Variants in ARHGAP40 observed in about 807,000 individuals in gnomAD.
ARHGAP40 encodes Rho GTPase activating protein 40, also known as rho GTPase-activating protein 40.
A neutral mutation model predicts 73.5 loss-of-function variants in ARHGAP40; 43 were observed. The ratio of observed to expected loss-of-function variants is 0.58; its 90% confidence interval spans 0.46 to 0.75. The LOEUF (loss-of-function observed/expected upper bound fraction) is 0.75, where lower values mean the gene tolerates loss of function less well. Among genes scored for constraint, ARHGAP40 ranks in the 30% least tolerant of loss-of-function variants. The pLI, the probability that ARHGAP40 is intolerant of heterozygous loss-of-function variation, is 0.00. For missense variants in ARHGAP40, 734 were observed against 861.8 expected, an observed-to-expected ratio of 0.85 and a Z score of 1.86; for synonymous variants, 300 against 352.8, an observed-to-expected ratio of 0.85 and a Z score of 1.68.
intron 11 of ARHGAP40, among the ~76,000 whole-genome samples, chr20:38,644,116 C>G (rs1475043878): frequency 2.6e-5 from 4 of 152,184 alleles, no homozygotes; most frequent in African/African-American, 9.7e-5. Flanking sequence ...CACTGCCATG[C>G]CTCTCAGTCA....
chr20:38,631,115 C>A (rs1016364626), intron 5 of ARHGAP40, among the ~76,000 whole-genome samples: 15 of 152,042 alleles, frequency 9.9e-5, no homozygotes, highest in African/African-American at 3.6e-4. Context: ...AGTTTGAAAC[C>A]AGCCTGGGCA....
chr20:38,612,132 A>G (rs765665161), intron 1 of ARHGAP40, among the ~76,000 whole-genome samples: 8 of 152,240 alleles, frequency 5.3e-5, no homozygotes, highest in Non-Finnish European at 8.8e-5. Flanking sequence ...CATGTAATCA[A>G]TATGAAACAT....
rs779656279 is a variant in ARHGAP40, at chr20:38,646,049, C to T, written c.1572C>T (p.Val524=). 2 of 1,302,720 alleles carry T rather than the reference C, an allele frequency of 1.5e-6. No individual in the cohort carries two copies. Among genetic ancestry groups the T allele is most frequent in the East Asian group, 5.6e-5 (1 of 17,988 alleles). 80.7% of individuals were successfully genotyped at this position (1,302,720 alleles called of 1,614,324 possible). ...AAAACTTGATCCTTTCTGGCCAGGT[C>T]GCCTCTTTCCTGGTCGCCCAGGTGC... The change falls in exon 12 of 15, where the codon GTC becomes GTT. Residue 524 remains valine (V), a splice_region_variant and synonymous_variant. Transcript: ENST00000373345. This position sits in a 1 kb window ranked among gnomAD's most constrained non-coding sequence, Gnocchi z 4.5.
chr20:38,648,188 G>A (rs2089065875), intron 13 of ARHGAP40, among the ~76,000 whole-genome samples: 1 of 152,208 alleles, frequency 6.6e-6, no homozygotes, highest in Admixed American at 6.5e-5. Flanking sequence ...AAGAGGCCAT[G>A]GAATTGAACT....
At position 38,611,894 on chromosome 20, in the gene ARHGAP40, A is replaced by AT. The variant is rs201504358; in HGVS notation, c.137+9825dup. Among the ~76,000 whole-genome samples, 1,024 of 143,454 alleles carry AT rather than the reference A, an allele frequency of 7.1e-3. 16 individuals carry two copies. In the East Asian group the frequency reaches 0.083, roughly 12 times the overall value. The allele number at this position is 143,454 out of a possible 152,430, so 94.1% of individuals were successfully genotyped here. On this transcript the variant is annotated intron_variant, in intron 1 of 14. Coordinates refer to ENST00000373345, the Ensembl canonical transcript of ARHGAP40. ...TGGCCACACCCGGCTAATTTTTGTA[A>AT]TTTTTTTTTTGTAGGGATAGGGTCT... is the stretch of plus-strand genomic sequence containing the variant.
intron 11 of ARHGAP40, 131 bp downstream of exon 11, chr20:38,644,041 A>G (rs2089036732): frequency 5.2e-6 from 4 of 771,774 alleles, no homozygotes; most frequent in Non-Finnish European, 7.0e-6. Context: ...GCCTCTGCAC[A>G]GGCCTGTGTT....
At chr20:38,608,346 G>C (rs1056183226) in intron 1 of ARHGAP40, among the ~76,000 whole-genome samples, 2 of 152,094 alleles carry the variant, frequency 1.3e-5, no homozygotes, top group African/African-American at 4.8e-5. Context: ...ACCTCCTCCA[G>C]GAAGCCTCTT....
chr20:38,650,182 C>G (rs559345721), exon 15 of ARHGAP40: 34 of 375,850 alleles, frequency 9.0e-5, no homozygotes, highest in South Asian at 6.5e-4. Flanking sequence ...CTCCACCCTC[C>G]AGCCCTCCAG....
At chr20:38,618,031 C>T (rs1369957971) in intron 1 of ARHGAP40, among the ~76,000 whole-genome samples, 5 of 151,970 alleles carry the variant, frequency 3.3e-5, no homozygotes, top group East Asian at 1.9e-4. Context: ...CCCAAGGTGA[C>T]GTTGCTAATA....
At chr20:38,640,883 A>G (rs2089013803) in intron 9 of ARHGAP40, among the ~76,000 whole-genome samples, 1 of 152,234 alleles carries the variant, frequency 6.6e-6, no homozygotes, top group South Asian at 2.1e-4. Context: ...AGCCTCTATA[A>G]TGATGCAATG....
chr20:38,614,545 C>T (rs1318915977), intron 1 of ARHGAP40, among the ~76,000 whole-genome samples: 1 of 152,028 alleles, frequency 6.6e-6, no homozygotes, highest in Non-Finnish European at 1.5e-5. Context: ...CACATGGCCA[C>T]TCCTGCTATA....
At chr20:38,627,697 G>A (rs1319892344) in intron 3 of ARHGAP40, among the ~76,000 whole-genome samples, 1 of 150,888 alleles carries the variant, frequency 6.6e-6, no homozygotes, top group African/African-American at 2.4e-5. Context: ...GTGTGTGTTG[G>A]TGTGTGTGTA....
rs957444881 is a variant in ARHGAP40, at chr20:38,623,662, C to T, written c.337+104C>T. Reference sequence around the variant, plus strand: ...ATGAACCAGAACATGACAGCATTTTCTCTGTTGCCTGGACTGGTGCAGTAT... The same window carrying T: ...ATGAACCAGAACATGACAGCATTTTTTCTGTTGCCTGGACTGGTGCAGTAT... On this transcript the variant is annotated intron_variant, in intron 2 of 14. Transcript: ENST00000373345. The T allele has an allele frequency of 3.1e-6, 3 of 967,448 alleles. No individual in the cohort carries two copies. The African/African-American group carries it at 5.1e-5, about 17-fold the overall frequency. The allele number at this position is 967,448 out of a possible 1,614,324, so 59.9% of individuals were successfully genotyped here. A position where few individuals can be genotyped will look rare whatever the true frequency, so the allele number is the denominator to read the frequency against.
rs1219874214 is a variant in ARHGAP40 at position 38,637,713 on chromosome 20, C to G, written c.955C>G (p.Arg319Gly). The G allele has an allele frequency of 4.6e-6, 6 of 1,305,258 alleles. No individual in the cohort carries two copies. The South Asian group carries it at 6.2e-5, about 13-fold the overall frequency. 80.9% of individuals were successfully genotyped at this position (1,305,258 alleles called of 1,614,324 possible). A position where few individuals can be genotyped will look rare whatever the true frequency, so the allele number is the denominator to read the frequency against. Residue 319 changes from arginine to glycine, a missense_variant, in exon 7 of 15, where the codon CGC (arginine) becomes GGC (glycine). By Grantham distance (125) the Arg-to-Gly change is moderately radical (BLOSUM62 -2). Coordinates refer to ENST00000373345, the Ensembl canonical transcript of ARHGAP40. ...TGCTCTTTGACTTTCTGCAGAAACT[C>G]GCCTCTTTGGTGTGCCCCTTGACAG...
At chr20:38,604,120 G>A (rs996693821) in intron 1 of ARHGAP40, among the ~76,000 whole-genome samples, 3 of 152,108 alleles carry the variant, frequency 2.0e-5, no homozygotes, top group African/African-American at 7.2e-5. Context: ...CCAACCATGC[G>A]TCGTCCGTCC....
At chr20:38,610,130 G>A (rs919682747) in intron 1 of ARHGAP40, among the ~76,000 whole-genome samples, 6 of 152,198 alleles carry the variant, frequency 3.9e-5, no homozygotes, top group Non-Finnish European at 5.9e-5. Flanking sequence ...GACCTTCAAA[G>A]ATCCGAGAAC....
chr20:38,643,761 CTG>C lies in ARHGAP40; in HGVS notation c.1421_1422del (p.Leu474GlnfsTer10). ...CCGGGAACAGCACAACAAGATGACT[CTG>C]AGGAATGTTTCCACCGTGATGGCCC... is the stretch of plus-strand genomic sequence containing the variant. On this transcript the variant is annotated frameshift_variant, in exon 11 of 15. Coordinates refer to ENST00000373345, the Ensembl canonical transcript of ARHGAP40. LOFTEE classifies it high-confidence loss of function. 1 of 1,305,928 alleles carries C rather than the reference CTG, an allele frequency of 7.7e-7. No individual in the cohort carries two copies. Among genetic ancestry groups the C allele is most frequent in the Non-Finnish European group, 1.0e-6 (1 of 989,084 alleles). The allele number at this position is 1,305,928 out of a possible 1,614,324, so 80.9% of individuals were successfully genotyped here. A position where few individuals can be genotyped will look rare whatever the true frequency, so the allele number is the denominator to read the frequency against.
intron 11 of ARHGAP40, among the ~76,000 whole-genome samples, chr20:38,645,098 A>G (rs1357252736): frequency 1.3e-5 from 2 of 150,286 alleles, no homozygotes; most frequent in Non-Finnish European, 3.0e-5. Flanking sequence ...CTAGTACTTC[A>G]CACTTCTGAA....
chr20:38,647,897 G>A (rs978751616), intron 13 of ARHGAP40, among the ~76,000 whole-genome samples: 2 of 152,210 alleles, frequency 1.3e-5, no homozygotes, highest in Non-Finnish European at 2.9e-5. Context: ...ATCTGGGAGC[G>A]AGGTGAGGCT....
Sources: allele counts gnomAD v4.1 joint callset (sites outside exome capture counted in the v4.1 genomes callset), GRCh38; gene constraint gnomAD v4.1.1; non-coding constraint Gnocchi (gnomAD v3.1); transcripts MANE v1.5; gene names NCBI Gene and HGNC (gene_info 2026-07-23, HGNC 2026-07-21).